The following KANK1 variants were observed in gnomAD, a reference collection of about 807,000 sequenced individuals.
The protein encoded by KANK1 is KN motif and ankyrin repeat domain-containing protein 1.
In KANK1, 109 loss-of-function variants were observed where a neutral mutation model predicts 106.2. The ratio of observed to expected loss-of-function variants is 1.03; its 90% CI spans 0.88 to 1.20. KANK1 has a LOEUF of 1.20. Among genes scored for constraint, KANK1 ranks in the 50% most tolerant of loss-of-function variants. The pLI is 0.00. For missense variants in KANK1, 2,399 were observed against 1,710.7 expected (o/e 1.40, Z -7.10); for synonymous variants, 873 against 652.2 (o/e 1.34, Z -5.16).
In KANK1 at chr9:712,547, G is replaced by C; in HGVS notation, c.1781G>C (p.Ser594Thr). 1 of 1,614,234 alleles carries C rather than the reference G, an allele frequency of 6.2e-7. No individual in the cohort carries two copies. The change falls in exon 3 of 12, where the codon AGT becomes ACT. Residue 594 changes from serine to threonine, a missense_variant. By Grantham distance (58) the Ser-to-Thr change is moderately conservative. Transcript: ENST00000382297. ...RSVEMCDKSV[S>T]VEVSVCETGS... ...GTGGAAATGTGTGACAAGAGTGTGA[G>C]TGTGGAAGTCAGCGTCTGCGAAACA...
chr9:633,984 T>G (rs1361518221), intron 1 of KANK1, among the ~76,000 whole-genome samples: 28 of 152,204 alleles, frequency 1.8e-4, no homozygotes, highest in Admixed American at 1.8e-3. Context: ...CAAGAAAACC[T>G]TGAAACAAAT....
At chr9:531,361 G>T (rs1428532895) in intron 1 of KANK1, among the ~76,000 whole-genome samples, 1 of 152,106 alleles carries the variant, frequency 6.6e-6, no homozygotes, top group Non-Finnish European at 1.5e-5. Flanking sequence ...AACCCAGGAG[G>T]TGGAGGCTGC....
intron 1 of KANK1, among the ~76,000 whole-genome samples, chr9:635,568 A>C (rs1290689428): frequency 6.6e-6 from 1 of 152,202 alleles, no homozygotes; most frequent in South Asian, 2.1e-4. Flanking sequence ...TCAAAATGGA[A>C]TAATAGTGTT....
chr9:658,772 C>G (rs927569703), intron 1 of KANK1, among the ~76,000 whole-genome samples: 1 of 152,098 alleles, frequency 6.6e-6, no homozygotes, highest in South Asian at 2.1e-4. Context: ...TTCTGAAATG[C>G]CTTTGTCAAA....
At chr9:669,143 G>T (rs1004053330) in intron 1 of KANK1, among the ~76,000 whole-genome samples, 1 of 152,102 alleles carries the variant, frequency 6.6e-6, no homozygotes, top group Non-Finnish European at 1.5e-5. Flanking sequence ...TACGTATTTT[G>T]ATATTGCCTA....
chr9:475,336 G>A (rs1170893628), intron 3 of KANK1, among the ~76,000 whole-genome samples: 3 of 152,174 alleles, frequency 2.0e-5, no homozygotes, highest in Non-Finnish European at 4.4e-5. Flanking sequence ...CCCACCCCAA[G>A]GGAAGAATTG....
At position 491,251 on chromosome 9, in the gene KANK1, G is replaced by A. The variant is rs1000613916; in HGVS notation, c.-362+17978G>A. Among the ~76,000 whole-genome samples the A allele has an allele frequency of 3.3e-5, 5 of 151,016 alleles. No individual in the cohort carries two copies. The South Asian group carries it at 6.3e-4, about 19-fold the overall frequency. On this transcript the variant is annotated intron_variant, in intron 3 of 15. Transcript: ENST00000382303. ...GCTGGAATTACACATGTAAACCACC[G>A]TGCCCACTCCTGGAGTGCATTTTCT... is the stretch of plus-strand genomic sequence containing the variant.
intron 1 of KANK1, among the ~76,000 whole-genome samples, chr9:603,969 A>AG (rs1563843128): frequency 1.3e-5 from 2 of 151,132 alleles, no homozygotes; most frequent in Non-Finnish European, 1.5e-5. Context: ...AAAAAAAAAA[A>AG]AAAAAAAGTA....
intron 1 of KANK1, among the ~76,000 whole-genome samples, chr9:632,835 A>G (rs1836079276): frequency 6.6e-6 from 1 of 151,934 alleles, no homozygotes. Flanking sequence ...GTTTACAGGC[A>G]TGCGCCACCG....
intron 1 of KANK1, among the ~76,000 whole-genome samples, chr9:597,773 C>T (rs985235661): frequency 5.9e-5 from 9 of 151,582 alleles, no homozygotes; most frequent in Non-Finnish European, 1.3e-4. Context: ...AAGTGATTCT[C>T]CTGCCTCAGC....
At chr9:643,852 G>C (rs1839063923) in intron 1 of KANK1, among the ~76,000 whole-genome samples, 1 of 150,188 alleles carries the variant, frequency 6.7e-6, no homozygotes, top group East Asian at 1.9e-4. Flanking sequence ...ACAGGTGCCT[G>C]CTACTGTGCC....
intron 3 of KANK1, among the ~76,000 whole-genome samples, chr9:720,248 T>C (rs1001157251): frequency 5.9e-5 from 9 of 152,338 alleles, no homozygotes; most frequent in African/African-American, 1.7e-4. Context: ...ACTTCCCAGT[T>C]GTGCCTGTGA....
At chr9:587,567 T>A in intron 1 of KANK1, among the ~76,000 whole-genome samples, 1 of 152,320 alleles carries the variant, frequency 6.6e-6, no homozygotes, top group East Asian at 1.9e-4. Flanking sequence ...ATAATCAATG[T>A]TAAAATTGTA....
chr9:664,359 A>C (rs1024541704), intron 1 of KANK1, among the ~76,000 whole-genome samples: 7 of 152,174 alleles, frequency 4.6e-5, no homozygotes, highest in African/African-American at 1.7e-4. Context: ...ACTGAACATA[A>C]TGACCCCCAG....
chr9:625,531 T>C (rs1375082379), intron 1 of KANK1, among the ~76,000 whole-genome samples: 9 of 152,138 alleles, frequency 5.9e-5, no homozygotes, highest in African/African-American at 2.2e-4. Context: ...CTCATAGTTA[T>C]CCGTTGTTAA....
chr9:687,333 T>G (rs7044607), intron 2 of KANK1, among the ~76,000 whole-genome samples: 44,794 of 151,996 alleles, frequency 0.29, 8,333 homozygotes, highest in East Asian at 0.57. Flanking sequence ...CTTTGTATTT[T>G]CTGTTATTTT....
intron 1 of KANK1, among the ~76,000 whole-genome samples, chr9:507,073 C>G (rs7047249): frequency 1.8e-4 from 28 of 151,450 alleles, no homozygotes; most frequent in Non-Finnish European, 3.8e-4. Context: ...GAAAAGTCAA[C>G]TTGTTTTCAA....
intron 1 of KANK1, among the ~76,000 whole-genome samples, chr9:536,104 G>A (rs1443068078): frequency 6.6e-6 from 1 of 152,140 alleles, no homozygotes; most frequent in Non-Finnish European, 1.5e-5. Context: ...TCAGGAGGCT[G>A]AGGTGGGCGG....
intron 3 of KANK1, among the ~76,000 whole-genome samples, chr9:476,050 G>T (rs932194491): frequency 4.7e-5 from 7 of 150,360 alleles, no homozygotes; most frequent in Non-Finnish European, 7.4e-5. Context: ...ACAAGTTTTC[G>T]CCACATTGAC....
Sources: allele counts gnomAD v4.1 joint callset (sites outside exome capture counted in the v4.1 genomes callset), GRCh38; gene constraint gnomAD v4.1.1; transcripts MANE v1.5; gene names NCBI Gene and HGNC (gene_info 2026-07-23, HGNC 2026-07-21).